Variants in PALM2AKAP2 observed in about 807,000 individuals in gnomAD.
PALM2AKAP2 encodes PALM2-AKAP2 fusion protein.
PALM2AKAP2 carries 37 observed loss-of-function variants against 71.5 expected under a neutral mutation model. The ratio of observed to expected loss-of-function variants is 0.52; its 90% CI spans 0.40 to 0.68. The LOEUF is 0.68. Ranked by LOEUF, PALM2AKAP2 falls within the 30% of genes least tolerant of loss-of-function variation. The pLI is 0.00. For synonymous variants in PALM2AKAP2, 468 were observed against 478.8 expected (o/e 0.98, Z 0.29); for missense variants, 1,224 against 1,191.8 (o/e 1.03, Z -0.40).
intron 6 of PALM2AKAP2, among the ~76,000 whole-genome samples, chr9:109,964,159 A>T (rs1435118843): frequency 6.6e-6 from 1 of 152,252 alleles, no homozygotes; most frequent in East Asian, 1.9e-4. Flanking sequence ...GTCAGCATCT[A>T]TTTGTGCACT....
At chr9:110,135,327 C>A (rs1835836908) in intron 1 of PALM2AKAP2, among the ~76,000 whole-genome samples, 5 of 102,378 alleles carry the variant, frequency 4.9e-5, no homozygotes, top group Non-Finnish European at 8.0e-5. Flanking sequence ...AAAAAAAAGC[C>A]CTCAAGACAA....
At chr9:109,642,527 C>T (rs1827085808) in intron 1 of PALM2AKAP2, among the ~76,000 whole-genome samples, 1 of 149,518 alleles carries the variant, frequency 6.7e-6, no homozygotes, top group African/African-American at 2.5e-5. Context: ...ATACTACAGT[C>T]TACAGCATTT....
In PALM2AKAP2 at chr9:109,799,615, T is replaced by G. The variant is rs144969641; in HGVS notation, c.45+19082T>G. 1.7e-3 allele frequency among the ~76,000 whole-genome samples: 264 copies of G among 152,304 alleles called. 1 individual carries two copies. The highest frequency in any genetic ancestry group is 6.2e-3 in the African/African-American group (256 of 41,570). On this transcript the variant is annotated intron_variant, in intron 1 of 9. Transcript: ENST00000302798. Reference sequence around the variant, plus strand: ...CTCAAGTGATCCTCTCACTTCATCCTCTCATGTAGCTGAGACTGTAGGCAT... The same window carrying G: ...CTCAAGTGATCCTCTCACTTCATCCGCTCATGTAGCTGAGACTGTAGGCAT...
In PALM2AKAP2 at chr9:109,847,177, T is replaced by A. The variant is rs1247786994; in HGVS notation, c.46-20314T>A. Among the ~76,000 whole-genome samples, 5 of 152,232 alleles carry A rather than the reference T, an allele frequency of 3.3e-5. No individual in the cohort carries two copies. The East Asian group carries it at 7.7e-4, about 23-fold the overall frequency. On this transcript the variant is annotated intron_variant, in intron 1 of 9. Coordinates refer to the PALM2AKAP2 transcript ENST00000302798. ...TAGGAATCTTGAGATGCAGAGAACA[T>A]CCTGTGCTATCCAGGTGGGCCTTAA... is the stretch of plus-strand genomic sequence containing the variant.
At chr9:109,967,884 A>T (rs1358120732) in intron 6 of PALM2AKAP2, among the ~76,000 whole-genome samples, 1 of 152,182 alleles carries the variant, frequency 6.6e-6, no homozygotes, top group Non-Finnish European at 1.5e-5. Flanking sequence ...CATGAAGACC[A>T]CTTGAAGTTA....
At chr9:110,117,809 C>T (rs1328383777) in intron 1 of PALM2AKAP2, among the ~76,000 whole-genome samples, 1 of 151,732 alleles carries the variant, frequency 6.6e-6, no homozygotes, top group African/African-American at 2.4e-5. Context: ...ATTAAGTTTC[C>T]AACACATGAA....
intron 2 of PALM2AKAP2, among the ~76,000 whole-genome samples, chr9:110,140,976 G>A (rs545055148): frequency 2.6e-5 from 4 of 152,258 alleles, no homozygotes; most frequent in South Asian, 2.1e-4. Flanking sequence ...ATGGGGGGGC[G>A]GGCACAAACA....
chr9:109,654,770 T>C (rs535354289), intron 1 of PALM2AKAP2, among the ~76,000 whole-genome samples: 61 of 151,872 alleles, frequency 4.0e-4, no homozygotes, highest in Non-Finnish European at 7.8e-4. Context: ...TGTGTGTGTG[T>C]GTGTGTGTAT....
At chr9:109,802,919 T>G (rs1458820520) in intron 1 of PALM2AKAP2, among the ~76,000 whole-genome samples, 1 of 151,994 alleles carries the variant, frequency 6.6e-6, no homozygotes, top group African/African-American at 2.4e-5. Flanking sequence ...TGCAGACTAC[T>G]GTGATGGATC....
chr9:110,051,857 T>A (rs1394015728), intron 1 of PALM2AKAP2, among the ~76,000 whole-genome samples: 2 of 152,188 alleles, frequency 1.3e-5, no homozygotes, highest in African/African-American at 4.8e-5. Context: ...TTGATTAGTA[T>A]CTTGATGAGC....
chr9:110,048,480 G>GTC, upstream of PALM2AKAP2: 1 of 539,990 alleles, frequency 1.9e-6, no homozygotes, highest in Non-Finnish European at 3.2e-6. Flanking sequence ...CCTCTCTCCA[G>GTC]TCTCTGCATT....
At chr9:109,755,150 A>G (rs1404263107) in intron 1 of PALM2AKAP2, among the ~76,000 whole-genome samples, 1 of 151,386 alleles carries the variant, frequency 6.6e-6, no homozygotes, top group Non-Finnish European at 1.5e-5. Context: ...ACCCATCCCC[A>G]CTCCCACATA....
intron 6 of PALM2AKAP2, among the ~76,000 whole-genome samples, chr9:109,968,036 C>T (rs1831990205): frequency 6.6e-6 from 1 of 152,068 alleles, no homozygotes; most frequent in Non-Finnish European, 1.5e-5. Context: ...ACAAAAGTGA[C>T]CCAAACAATG....
At chr9:109,673,425 C>A (rs1564108587) in intron 1 of PALM2AKAP2, among the ~76,000 whole-genome samples, 2 of 151,852 alleles carry the variant, frequency 1.3e-5, no homozygotes, top group Non-Finnish European at 2.9e-5. Context: ...GAGTAAATTT[C>A]TTGGTTTTGA....
intron 1 of PALM2AKAP2, among the ~76,000 whole-genome samples, chr9:110,049,619 C>G (rs1017618275): frequency 6.6e-6 from 1 of 152,034 alleles, no homozygotes; most frequent in South Asian, 2.1e-4. Flanking sequence ...TGGGGACACT[C>G]TGGGGTATGG....
intron 1 of PALM2AKAP2, among the ~76,000 whole-genome samples, chr9:110,116,369 T>C (rs1428598176): frequency 2.0e-5 from 3 of 151,908 alleles, no homozygotes; most frequent in Admixed American, 2.0e-4. Context: ...TGTGCGTGTG[T>C]GTGTGCGTGT....
chr9:109,691,301 T>C (rs1375198310), intron 1 of PALM2AKAP2, among the ~76,000 whole-genome samples: 1 of 152,088 alleles, frequency 6.6e-6, no homozygotes, highest in African/African-American at 2.4e-5. Flanking sequence ...AACAGTAAAG[T>C]AGAAAATTTC....
intron 1 of PALM2AKAP2, among the ~76,000 whole-genome samples, chr9:109,769,485 G>T (rs1210943817): frequency 1.3e-5 from 2 of 152,150 alleles, no homozygotes; most frequent in Non-Finnish European, 2.9e-5. Context: ...CAACCTAACA[G>T]TGTCTTTAAA....
intron 1 of PALM2AKAP2, among the ~76,000 whole-genome samples, chr9:109,692,526 G>T (rs1016054620): frequency 3.9e-5 from 6 of 151,904 alleles, no homozygotes; most frequent in African/African-American, 7.2e-5. Flanking sequence ...CTGATCTTAG[G>T]AGAAAGCATT....
Sources: gnomAD v4.1 joint callset for allele counts (sites outside exome capture counted in the v4.1 genomes callset) on GRCh38, gnomAD v4.1.1 for gene constraint, MANE v1.5 for transcripts, NCBI Gene and HGNC (gene_info 2026-07-23, HGNC 2026-07-21) for gene names.